The following RALGDS variants were observed in gnomAD, a reference collection of about 807,000 sequenced individuals.
RALGDS encodes the protein ral guanine nucleotide dissociation stimulator, also known as ral guanine nucleotide exchange factor.
RALGDS carries 44 observed loss-of-function variants against 99.8 expected under a neutral mutation model. The observed-to-expected ratio is 0.44, with a 90% CI of 0.35 to 0.57. The LOEUF (loss-of-function observed/expected upper bound fraction) is 0.57, where lower values mean the gene tolerates loss of function less well. RALGDS is among the 20% of genes least tolerant of loss of function. The probability of loss-of-function intolerance (pLI) is 0.01; values close to 1 mark genes in which losing one functional copy is unlikely to be tolerated. For synonymous variants in RALGDS, 529 were observed against 505.0 expected, an observed-to-expected ratio of 1.05 and a Z score of -0.64; for missense variants, 1,022 against 1,203.1, an observed-to-expected ratio of 0.85 and a Z score of 2.23.
At chr9:133,106,505 G>A in intron 8 of RALGDS, 140 bp downstream of exon 8, 1 of 659,680 alleles carries the variant, frequency 1.5e-6, no homozygotes, top group Non-Finnish European at 2.7e-6. Flanking sequence ...CGAGCTCTGA[G>A]GCAGAGCTGC....
In RALGDS at chr9:133,098,407, G is replaced by A. The variant is rs573407742; in HGVS notation, c.*180C>T. On this transcript the variant is annotated 3_prime_UTR_variant, in exon 18 of 18. Coordinates refer to ENST00000372050, the MANE Select transcript of RALGDS (RefSeq NM_006266.4). ...CACCTAAGGCAGCGAGTGGTCCACG[G>A]GAGGCCAGGTCAGCCTGACCAATGG... The A allele has an allele frequency of 1.1e-3, 714 of 667,390 alleles. 2 individuals are homozygous for A. The highest frequency in any genetic ancestry group is 1.3e-3 in the Non-Finnish European group (522 of 386,858). 41.3% of individuals were successfully genotyped at this position (667,390 alleles called of 1,614,324 possible).
intron 1 of RALGDS, among the ~76,000 whole-genome samples, chr9:133,139,965 T>A (rs1832491905): frequency 6.6e-6 from 1 of 152,142 alleles, no homozygotes; most frequent in Admixed American, 6.5e-5. Context: ...CTCCCAGGCT[T>A]CTCTCCCCTT....
chr9:133,128,281 C>T (rs1832226542), intron 1 of RALGDS, among the ~76,000 whole-genome samples: 1 of 152,174 alleles, frequency 6.6e-6, no homozygotes, highest in African/African-American at 2.4e-5. Context: ...GAGAGGGAGG[C>T]AGCAGGCAGA....
In RALGDS at chr9:133,112,281, C is replaced by A. The variant is rs1392448812; in HGVS notation, c.184-129G>T. 6 of 694,658 alleles carry A rather than the reference C, an allele frequency of 8.6e-6. No individual in the cohort carries two copies. The African/African-American group carries it at 8.8e-5, about 10-fold the overall frequency. 43.0% of individuals were successfully genotyped at this position (694,658 alleles called of 1,614,324 possible). On this transcript the variant is annotated intron_variant, in intron 1 of 17. Coordinates refer to ENST00000372050, the MANE Select transcript of RALGDS (RefSeq NM_006266.4). ...GACTGGCGGCTGCACAGACCTACAG[C>A]CTGGGGTGGAATGAGATCACAGCTC...
rs115851763 is a variant in RALGDS, at chr9:133,148,564, G to C, written c.18+399C>G. On this transcript the variant is annotated intron_variant, in intron 1 of 17. Transcript: ENST00000393160. ...AAGTGTGTGGTGTGTGTGTCTGCGTGTGTGTGAGCATGTATGCGCAGGCCT... is the reference window on the plus strand; with the variant it reads ...AAGTGTGTGGTGTGTGTGTCTGCGTCTGTGTGAGCATGTATGCGCAGGCCT... Among the ~76,000 whole-genome samples the C allele has an allele frequency of 7.4e-3, 1,124 of 152,358 alleles. 8 individuals are homozygous for C. The highest frequency in any genetic ancestry group is 0.012 in the Non-Finnish European group (841 of 68,034).
rs541432813 is a variant in RALGDS at position 133,113,487 on chromosome 9, G to T, written c.184-1335C>A. On this transcript the variant is annotated intron_variant, in intron 1 of 17. Coordinates refer to ENST00000372050, the MANE Select transcript of RALGDS (RefSeq NM_006266.4). ...TTGTGCCGGGCTCCTGACCGCCACC[G>T]CCTCTGGACAGAGAGCCAGCCCCAT... Among the ~76,000 whole-genome samples the T allele has an allele frequency of 3.0e-3, 454 of 152,304 alleles. 2 individuals are homozygous for T. The highest frequency in any genetic ancestry group is 0.01 in the African/African-American group (424 of 41,550).
At chr9:133,102,925 C>A (rs767020930) in intron 12 of RALGDS, 25 bp from the exon 13 acceptor site, 1 of 1,611,908 alleles carries the variant, frequency 6.2e-7, no homozygotes, top group Non-Finnish European at 8.5e-7. Context: ...AAGCACAGGG[C>A]GGTGACAAGG....
At position 133,102,560 on chromosome 9, in the gene RALGDS, G is replaced by A. The variant is rs1376241781; in HGVS notation, c.1925C>T (p.Ser642Leu). 4 of 1,613,998 alleles carry A rather than the reference G, an allele frequency of 2.5e-6. No homozygotes were observed. Among genetic ancestry groups the A allele is most frequent in the Non-Finnish European group, 3.4e-6 (4 of 1,179,994 alleles). The change falls in exon 14 of 18, where the codon TCG becomes TTG. Residue 642 changes from serine to leucine, a missense_variant. Coordinates refer to ENST00000372050, the MANE Select transcript of RALGDS (RefSeq NM_006266.4). ...RLSETESYNL[S>L]CELEPPSESA... is the part of the protein sequence containing the mutation. ...CTCGGATGGGGGCTCCAGCTCGCAC[G>A]ACAGGTTGTAGCTATGAGCAGAGGG...
rs1199018273 is a variant in RALGDS, at chr9:133,108,307, G to A, written c.878C>T (p.Pro293Leu). 3 of 1,549,046 alleles carry A rather than the reference G, an allele frequency of 1.9e-6. No homozygotes were observed. The African/African-American group carries it at 4.1e-5, about 21-fold the overall frequency. ...TGGAGCTGGTGTTGGAGCTGGCTCT[G>A]GCTCCGGGGCTGGAGCCGGCACTGG... Reference protein sequence around the residue: ...PSPVPAPAPEPEPAPTPAPGS... With the variant: ...PSPVPAPAPELEPAPTPAPGS... Residue 293 changes from proline to leucine, a missense_variant, in exon 6 of 18, where the codon CCA becomes CTA. Coordinates refer to ENST00000372050, the MANE Select transcript of RALGDS (RefSeq NM_006266.4).
At chr9:133,129,154 TG>T (rs1832255403) in intron 1 of RALGDS, 2 of 1,578,092 alleles carry the variant, frequency 1.3e-6, no homozygotes, top group Non-Finnish European at 1.7e-6. Flanking sequence ...TGGTGGCCGG[TG>T]CTGGCAGAGG....
chr9:133,133,562 G>T (rs1832379199), upstream of RALGDS, among the ~76,000 whole-genome samples: 1 of 152,218 alleles, frequency 6.6e-6, no homozygotes, highest in South Asian at 2.1e-4. Context: ...GGGCCTGGGG[G>T]TGAGGCCAGT....
chr9:133,103,137 T>G, intron 12 of RALGDS, 93 bp downstream of exon 12: 1 of 1,524,694 alleles, frequency 6.6e-7, no homozygotes, highest in Non-Finnish European at 9.1e-7. Context: ...CCATGTCCCA[T>G]GAATCTAAGG....
chr9:133,098,558 C>T lies in RALGDS; in HGVS notation c.*29G>A, dbSNP rs760169037. On this transcript the variant is annotated 3_prime_UTR_variant, in exon 18 of 18. Transcript: ENST00000372050. The stretch of plus-strand genomic sequence containing the variant: ...ACTCTGGTCCATAAGTGCTTGGCTA[C>T]CAGCCAGCCAGACCCTGGGAGGATG... 6.2e-6 allele frequency: 10 copies of T among 1,612,592 alleles called. No individual in the cohort carries two copies. In the South Asian group the frequency reaches 7.7e-5, roughly 12 times the overall value.
At chr9:133,148,199 C>A (rs1399320836) in intron 1 of RALGDS, among the ~76,000 whole-genome samples, 7 of 152,242 alleles carry the variant, frequency 4.6e-5, no homozygotes, top group Non-Finnish European at 1.0e-4. Flanking sequence ...TCACCCAGGC[C>A]AAACATTCCA....
chr9:133,131,090 C>T, exon 1 of RALGDS: 1 of 1,471,254 alleles, frequency 6.8e-7, no homozygotes, highest in Non-Finnish European at 8.9e-7. Context: ...ACATCAGGCC[C>T]TGGGGCCCGG....
At chr9:133,120,428 A>ACCCCCCCCCCCCCCCCCCCCCCCCCCCCC (rs71378548) in intron 1 of RALGDS, among the ~76,000 whole-genome samples, 1 of 59,994 alleles carries the variant, frequency 1.7e-5, no homozygotes, top group Non-Finnish European at 3.4e-5. Flanking sequence ...CCATCCCCCG[A>ACCCCCCCCCCCCCCCCCCCCCCCCCCCCC]CCCCCCCCCC....
rs746520301 is a variant in RALGDS at position 133,103,789 on chromosome 9, G to A, written c.1716C>T (p.Thr572=). ...GTVPYLGTFL[T]DLVMLDTAMK... ...TGGCAGTGTCCAGCATCACCAGGTC[G>A]GTGAGGAACGTGCCCAGGTAGGGAA... Residue 572 remains threonine, a synonymous_variant, in exon 11 of 18, where the codon ACC becomes ACT. Transcript: ENST00000372050. The A allele has an allele frequency of 1.5e-5, 25 of 1,613,242 alleles. No homozygotes were observed. Among genetic ancestry groups the A allele is most frequent in the Admixed American group, 1.0e-4 (6 of 59,996 alleles).
rs570391459 is a variant in RALGDS at position 133,129,976 on chromosome 9, G to A, written c.132+976C>T. ...ATTACAGGCACATGCCACCATGCTC[G>A]GCTAATTTTTTTTTGAGACATCGTC... On this transcript the variant is annotated intron_variant, in intron 1 of 17. Transcript: ENST00000372062. Among the ~76,000 whole-genome samples, 8 of 148,978 alleles carry A rather than the reference G, an allele frequency of 5.4e-5. No homozygotes were observed. The East Asian group carries it at 8.0e-4, about 15-fold the overall frequency.
intron 1 of RALGDS, among the ~76,000 whole-genome samples, chr9:133,140,513 G>A (rs1400482854): frequency 6.6e-6 from 1 of 152,140 alleles, no homozygotes; most frequent in Non-Finnish European, 1.5e-5. Context: ...CTTCCCATGG[G>A]AGCCCTTTCT....
Sources: gnomAD v4.1 joint callset for allele counts (sites outside exome capture counted in the v4.1 genomes callset) on GRCh38, gnomAD v4.1.1 for gene constraint, MANE v1.5 for transcripts, NCBI Gene and HGNC (gene_info 2026-07-23, HGNC 2026-07-21) for gene names.